The following IQSEC1 variants were observed in gnomAD, a reference collection of about 807,000 sequenced individuals.
IQSEC1 encodes IQ motif and Sec7 domain ArfGEF 1.
A neutral mutation model predicts 91.0 loss-of-function variants in IQSEC1; 31 were observed. The ratio of observed to expected loss-of-function variants is 0.34; its 90% CI spans 0.26 to 0.46. The LOEUF (loss-of-function observed/expected upper bound fraction) is 0.46. IQSEC1 is among the 20% of genes least tolerant of loss of function. The pLI is 1.00. For missense variants in IQSEC1, 1,388 were observed against 1,575.6 expected, an observed-to-expected ratio of 0.88 and a Z score of 2.02; for synonymous variants, 699 against 662.6, an observed-to-expected ratio of 1.05 and a Z score of -0.84.
At chr3:13,141,666 C>T (rs1433197203) in intron 2 of IQSEC1, among the ~76,000 whole-genome samples, 1 of 152,176 alleles carries the variant, frequency 6.6e-6, no homozygotes, top group Non-Finnish European at 1.5e-5. Flanking sequence ...AAGAAAGCCT[C>T]CTCACTGGGT....
At chr3:13,101,512 C>T (rs759180743) in intron 2 of IQSEC1, among the ~76,000 whole-genome samples, 37 of 151,412 alleles carry the variant, frequency 2.4e-4, no homozygotes, top group Non-Finnish European at 2.9e-4. Context: ...GGAAGATGAG[C>T]GATGGTGGTG....
intron 1 of IQSEC1, among the ~76,000 whole-genome samples, chr3:13,071,710 G>A (rs1053697119): frequency 1.3e-5 from 2 of 152,142 alleles, no homozygotes; most frequent in African/African-American, 2.4e-5. Flanking sequence ...AGAGGCCACC[G>A]TCATCCCTCG....
At chr3:12,989,098 C>T (rs1036480021) in intron 1 of IQSEC1, among the ~76,000 whole-genome samples, 1 of 152,262 alleles carries the variant, frequency 6.6e-6, no homozygotes, top group African/African-American at 2.4e-5. Flanking sequence ...TCACATTTAA[C>T]ACCAACTGGA....
intron 2 of IQSEC1, among the ~76,000 whole-genome samples, chr3:13,139,771 G>C (rs577548746): frequency 9.2e-5 from 14 of 152,174 alleles, no homozygotes; most frequent in Admixed American, 3.3e-4. Context: ...GGTGTCTCCT[G>C]ATGCTTCTCC....
chr3:13,114,539 C>G (rs1318335254), intron 2 of IQSEC1, among the ~76,000 whole-genome samples: 1 of 152,120 alleles, frequency 6.6e-6, no homozygotes, highest in Non-Finnish European at 1.5e-5. Context: ...TGCCTGTAAT[C>G]CCAACAATTT....
intron 2 of IQSEC1, among the ~76,000 whole-genome samples, chr3:13,119,197 A>G (rs138695245): frequency 1.1e-3 from 161 of 152,302 alleles, no homozygotes; most frequent in South Asian, 1.9e-3. Context: ...AATAATATTT[A>G]AGAATATTAT....
chr3:13,013,319 T>G (rs1702975895), intron 1 of IQSEC1, among the ~76,000 whole-genome samples: 1 of 152,196 alleles, frequency 6.6e-6, no homozygotes, highest in South Asian at 2.1e-4. Flanking sequence ...ATACCCACTC[T>G]GCCGGCGGAG....
Position 12,992,005 on chromosome 3 carries a change from C to T in IQSEC1, c.24-50140G>A, listed in dbSNP as rs1486854822. On this transcript the variant is annotated intron_variant, in intron 1 of 13. Transcript: ENST00000613206. The surrounding 1 kb of genome is among the most constrained non-coding windows in gnomAD (Gnocchi z 4.1). ...CCCAAGATTACCTAATGTTTGCAAA[C>T]CGTGCAGGAGACAGTCCCCTGCAGA... Among the ~76,000 whole-genome samples the T allele has an allele frequency of 6.6e-6, 1 of 152,122 alleles. No individual in the cohort carries two copies.
At chr3:12,999,500 G>A (rs1347139368) in intron 1 of IQSEC1, among the ~76,000 whole-genome samples, 1 of 152,172 alleles carries the variant, frequency 6.6e-6, no homozygotes, top group Admixed American at 6.5e-5. Flanking sequence ...GTCTGTCTGG[G>A]TTGGAGGTCA....
intron 2 of IQSEC1, among the ~76,000 whole-genome samples, chr3:13,111,542 T>C (rs1455074818): frequency 1.3e-5 from 2 of 152,166 alleles, no homozygotes; most frequent in African/African-American, 4.8e-5. Flanking sequence ...CTCCTTCTAA[T>C]TGAGAGCTGA....
At chr3:13,108,523 C>A (rs1559256642) in intron 2 of IQSEC1, among the ~76,000 whole-genome samples, 1 of 151,680 alleles carries the variant, frequency 6.6e-6, no homozygotes, top group Non-Finnish European at 1.5e-5. Flanking sequence ...TTTTTTTTAG[C>A]CACATAGCAC....
chr3:13,022,102 C>A, intron 1 of IQSEC1: 1 of 1,231,890 alleles, frequency 8.1e-7, no homozygotes, highest in Non-Finnish European at 1.0e-6. Context: ...CCCCTTCATG[C>A]CTGGCTCGGT....
chr3:13,005,569 G>A (rs1443946010), intron 1 of IQSEC1, among the ~76,000 whole-genome samples: 1 of 152,236 alleles, frequency 6.6e-6, no homozygotes, highest in Admixed American at 6.5e-5. Flanking sequence ...AGGCTGGGCT[G>A]GCTGAGGGCT....
intron 1 of IQSEC1, among the ~76,000 whole-genome samples, chr3:13,197,930 G>A (rs1694165936): frequency 6.6e-6 from 1 of 152,226 alleles, no homozygotes; most frequent in Non-Finnish European, 1.5e-5. Context: ...AGCAGGAGCG[G>A]AGCGTGGTGC....
intron 1 of IQSEC1, among the ~76,000 whole-genome samples, chr3:13,039,767 A>G (rs1168087282): frequency 1.3e-5 from 2 of 152,176 alleles, no homozygotes; most frequent in Admixed American, 6.5e-5. Context: ...CTGATGCATT[A>G]TCATTATTTC....
At chr3:13,272,499 G>A (rs868545459) in intron 1 of IQSEC1, among the ~76,000 whole-genome samples, 1 of 152,208 alleles carries the variant, frequency 6.6e-6, no homozygotes, top group African/African-American at 2.4e-5. Flanking sequence ...GCCCCAGTAC[G>A]GGGGCATCTG....
At chr3:12,947,717 G>A (rs1213025889) in intron 1 of IQSEC1, among the ~76,000 whole-genome samples, 2 of 152,212 alleles carry the variant, frequency 1.3e-5, no homozygotes, top group Non-Finnish European at 2.9e-5. Context: ...GGAGCTGCAT[G>A]TGGATGCATC....
At chr3:13,269,174 G>T (rs924845310) in intron 1 of IQSEC1, among the ~76,000 whole-genome samples, 3 of 152,178 alleles carry the variant, frequency 2.0e-5, no homozygotes, top group South Asian at 2.1e-4. Context: ...CCGGCTCAGG[G>T]CACTCTTGTG....
At chr3:13,241,860 C>A (rs2125103924) in intron 1 of IQSEC1, among the ~76,000 whole-genome samples, 1 of 152,338 alleles carries the variant, frequency 6.6e-6, no homozygotes, top group South Asian at 2.1e-4. Context: ...AGCTGTGAAA[C>A]ACATTTTCAC....
Sources: allele counts gnomAD v4.1 joint callset (sites outside exome capture counted in the v4.1 genomes callset), GRCh38; gene constraint gnomAD v4.1.1; non-coding constraint Gnocchi (gnomAD v3.1); transcripts MANE v1.5; gene names NCBI Gene and HGNC (gene_info 2026-07-23, HGNC 2026-07-21).